The following NEO1 variants were observed in gnomAD, a reference collection of about 807,000 sequenced individuals.
NEO1 encodes the protein neogenin.
Under a neutral mutation model 159.7 loss-of-function variants are expected in NEO1, and 63 were observed. The observed-to-expected ratio is 0.39, with a 90% CI of 0.32 to 0.49. NEO1 has a LOEUF of 0.49. NEO1 is among the 20% of genes least tolerant of loss of function. The pLI is 0.85. For synonymous variants in NEO1, 633 were observed against 662.0 expected, an observed-to-expected ratio of 0.96 and a Z score of 0.67; for missense variants, 1,615 against 1,831.0, an observed-to-expected ratio of 0.88 and a Z score of 2.15.
chr15:73,180,995 T>C (rs2035576618), intron 7 of NEO1, among the ~76,000 whole-genome samples: 1 of 152,192 alleles, frequency 6.6e-6, no homozygotes. Flanking sequence ...ATGTAAGAGA[T>C]ATATAAAACT....
intron 9 of NEO1, among the ~76,000 whole-genome samples, chr15:73,248,364 A>G (rs1325205654): frequency 6.6e-6 from 1 of 152,190 alleles, no homozygotes; most frequent in African/African-American, 2.4e-5. Context: ...GCAGGACATT[A>G]GAGGGTTCTT....
At chr15:73,239,905 C>G (rs2039404103) in intron 8 of NEO1, among the ~76,000 whole-genome samples, 1 of 152,146 alleles carries the variant, frequency 6.6e-6, no homozygotes, top group Non-Finnish European at 1.5e-5. Context: ...AGCAGTGATC[C>G]TCAACCAGGG....
intron 5 of NEO1, among the ~76,000 whole-genome samples, chr15:73,147,912 C>G (rs1296547929): frequency 6.6e-6 from 1 of 151,520 alleles, no homozygotes; most frequent in Non-Finnish European, 1.5e-5. Flanking sequence ...CTCCTGGGTT[C>G]AAGTGATTCT....
At chr15:73,178,785 A>T (rs2035431516) in intron 7 of NEO1, among the ~76,000 whole-genome samples, 1 of 152,178 alleles carries the variant, frequency 6.6e-6, no homozygotes, top group African/African-American at 2.4e-5. Context: ...ACTTACAAAA[A>T]ATAACATTCA....
chr15:73,224,590 T>C (rs2038470605), intron 7 of NEO1, among the ~76,000 whole-genome samples: 1 of 143,728 alleles, frequency 7.0e-6, no homozygotes, highest in Admixed American at 7.0e-5. Context: ...CTTCTACTTG[T>C]TCGATTCTAT....
intron 1 of NEO1, among the ~76,000 whole-genome samples, chr15:73,099,432 G>A (rs2070276743): frequency 6.6e-6 from 1 of 152,102 alleles, no homozygotes; most frequent in African/African-American, 2.4e-5. Flanking sequence ...GACTATGACA[G>A]GATTTTTCTA....
chr15:73,289,256 T>G lies in NEO1; in HGVS notation c.3742+18T>G. ...ACCCCAGCGTAAGTAGAAGCATCTC[T>G]TTTCCTCAGTGCTACCAATCTGTTC... On this transcript the variant is annotated intron_variant, in intron 25 of 28. Coordinates refer to ENST00000261908, the MANE Select transcript of NEO1 (RefSeq NM_002499.4). 2 of 1,601,574 alleles carry G rather than the reference T, an allele frequency of 1.2e-6. No homozygotes were observed. Among genetic ancestry groups the G allele is most frequent in the Non-Finnish European group, 1.7e-6 (2 of 1,168,848 alleles).
intron 1 of NEO1, among the ~76,000 whole-genome samples, chr15:73,103,198 A>G (rs1458796358): frequency 3.9e-5 from 6 of 152,146 alleles, no homozygotes; most frequent in African/African-American, 1.4e-4. Context: ...CTTTAAACTA[A>G]TCTCCATTTG....
rs1262300511 is a variant in NEO1 at position 73,302,716 on chromosome 15, A to T, written c.*20A>T. Reference sequence around the variant, plus strand: ...GCATGACGACCTTCACCAGGACCTGACTTCAAACCTGAGTCTGGAAGTCTT... The same window carrying T: ...GCATGACGACCTTCACCAGGACCTGTCTTCAAACCTGAGTCTGGAAGTCTT... On this transcript the variant is annotated 3_prime_UTR_variant, in exon 29 of 29. Transcript: ENST00000261908. 2.5e-6 allele frequency: 4 copies of T among 1,609,118 alleles called. No homozygotes were observed. In the African/African-American group the frequency reaches 4.0e-5, roughly 16 times the overall value.
At position 73,213,662 on chromosome 15, in the gene NEO1, T is replaced by C. The variant is rs552559532; in HGVS notation, c.1292-22685T>C. Among the ~76,000 whole-genome samples, 44 of 152,338 alleles carry C rather than the reference T, an allele frequency of 2.9e-4. 1 individual carries two copies. The highest frequency in any genetic ancestry group is 1.0e-3 in the African/African-American group (43 of 41,580). ...AATATACCACAGTTTCTTTATCCACTCATTGAGTAATGGGCATTTGGGTTG... is the reference window on the plus strand; with the variant it reads ...AATATACCACAGTTTCTTTATCCACCCATTGAGTAATGGGCATTTGGGTTG... On this transcript the variant is annotated intron_variant, in intron 7 of 28. Coordinates refer to ENST00000261908, the MANE Select transcript of NEO1 (RefSeq NM_002499.4).
chr15:73,270,388 A>T lies in NEO1; in HGVS notation c.2791A>T (p.Met931Leu), dbSNP rs768773856. The change falls in exon 18 of 29, where the codon ATG becomes TTG. Residue 931 changes from methionine to leucine, a missense_variant. By Grantham distance (15) the Met-to-Leu change is conservative. Transcript: ENST00000261908. ...GAATACACTCTATGAATTCTCTGTG[A>T]TGGTGACCAAAGGTCGAAGATCAAG... Reference protein sequence around the residue: ...KPNTLYEFSVMVTKGRRSSTW... With the variant: ...KPNTLYEFSVLVTKGRRSSTW... 1.9e-6 allele frequency: 3 copies of T among 1,614,162 alleles called. No homozygotes were observed. Among genetic ancestry groups the T allele is most frequent in the Admixed American group, 3.3e-5 (2 of 60,024 alleles).
rs1018578236 is a variant in NEO1 at position 73,288,466 on chromosome 15, T to G, written c.3564T>G (p.Thr1188=). 6.2e-7 allele frequency: 1 copy of G among 1,613,992 alleles called. No homozygotes were observed. The highest frequency in any genetic ancestry group is 1.3e-5 in the African/African-American group (1 of 74,924). The change falls in exon 24 of 29, where the codon ACT becomes ACG. Residue 1188 remains threonine, a synonymous_variant. Transcript: ENST00000261908. ...SPDPNPIMTD[T]PIPRNSQDIT... Reference sequence around the variant, plus strand: ...ACCCAAACCCCATCATGACTGATACTCCAATTCCTCGCAACTCTCAAGATA... The same window carrying G: ...ACCCAAACCCCATCATGACTGATACGCCAATTCCTCGCAACTCTCAAGATA...
chr15:73,091,070 A>T (rs941796637), intron 1 of NEO1, among the ~76,000 whole-genome samples: 1 of 151,908 alleles, frequency 6.6e-6, no homozygotes, highest in Admixed American at 6.6e-5. Flanking sequence ...AGGCAGCCTG[A>T]CTCTTGAACC....
intron 5 of NEO1, among the ~76,000 whole-genome samples, chr15:73,139,810 A>G (rs2032201944): frequency 6.6e-6 from 1 of 152,238 alleles, no homozygotes. Context: ...TGTATTGCCT[A>G]TGGCTGCTTT....
intron 1 of NEO1, among the ~76,000 whole-genome samples, chr15:73,110,066 A>G (rs1296181378): frequency 3.0e-4 from 46 of 152,158 alleles, no homozygotes. Flanking sequence ...ATGTTAAATT[A>G]TTTTAATTTT....
chr15:73,141,399 A>T (rs1244968936), intron 5 of NEO1, among the ~76,000 whole-genome samples: 1 of 152,146 alleles, frequency 6.6e-6, no homozygotes, highest in Non-Finnish European at 1.5e-5. Context: ...CAGTGACGTG[A>T]ATTAGCCCAT....
chr15:73,296,640 A>G (rs1268555930), intron 26 of NEO1, among the ~76,000 whole-genome samples: 1 of 152,114 alleles, frequency 6.6e-6, no homozygotes, highest in Non-Finnish European at 1.5e-5. Flanking sequence ...CAGTATCCCC[A>G]TCTGCGGGGA....
chr15:73,216,482 G>C (rs1279807329), intron 7 of NEO1, among the ~76,000 whole-genome samples: 3 of 152,148 alleles, frequency 2.0e-5, no homozygotes, highest in Non-Finnish European at 2.9e-5. Context: ...GGTATTTCTA[G>C]ATCTAGATCC....
At chr15:73,150,427 A>G (rs905872871) in intron 5 of NEO1, among the ~76,000 whole-genome samples, 8 of 152,304 alleles carry the variant, frequency 5.3e-5, no homozygotes, top group Middle Eastern at 3.4e-3. Flanking sequence ...GACATTTTTC[A>G]TAATAAAAAG....
Sources: allele counts gnomAD v4.1 joint callset (sites outside exome capture counted in the v4.1 genomes callset), GRCh38; gene constraint gnomAD v4.1.1; transcripts MANE v1.5; gene names NCBI Gene and HGNC (gene_info 2026-07-23, HGNC 2026-07-21).